Variants in KDM1B observed in about 807,000 individuals in gnomAD.
The protein encoded by KDM1B is lysine-specific histone demethylase 2.
KDM1B carries 63 observed loss-of-function variants against 107.4 expected under a neutral mutation model. The ratio of observed to expected loss-of-function variants is 0.59; its 90% CI spans 0.48 to 0.72. KDM1B has a LOEUF of 0.72. Among genes scored for constraint, KDM1B ranks in the 30% least tolerant of loss-of-function variants. The pLI is 0.00. For missense variants in KDM1B, 749 were observed against 1,020.8 expected, an observed-to-expected ratio of 0.73 and a Z score of 3.63; for synonymous variants, 363 against 363.9, an observed-to-expected ratio of 1.00 and a Z score of 0.03.
rs1025577144 is a variant in KDM1B, at chr6:18,162,359, G to T, written c.216-476G>T. Among the ~76,000 whole-genome samples, 4 of 152,022 alleles carry T rather than the reference G, an allele frequency of 2.6e-5. No individual in the cohort carries two copies. Among genetic ancestry groups the T allele is most frequent in the Non-Finnish European group, 5.9e-5 (4 of 67,980 alleles). ...AAATATTAAAAATAAACACAAAGAC[G>T]TGGTGATCGTGTTCATAGTGGCATG... On this transcript the variant is annotated intron_variant, in intron 4 of 21. Coordinates refer to ENST00000650836, the MANE Select transcript of KDM1B (RefSeq NM_001364614.2). The surrounding 1 kb of genome is among the most constrained non-coding windows in gnomAD (Gnocchi z 4.1).
In KDM1B at chr6:18,201,728, A is replaced by G. The variant is rs1013529446; in HGVS notation, c.1531+71A>G. On this transcript the variant is annotated intron_variant, in intron 14 of 21. Transcript: ENST00000650836. This position sits in a 1 kb window ranked among gnomAD's most constrained non-coding sequence, Gnocchi z 4.3. The stretch of plus-strand genomic sequence containing the variant: ...TTACCTAAGCTTCATCAGCAGTGGC[A>G]TTGTTCATTTGCGAGGTCGGATGTC... 1.2e-5 allele frequency: 16 copies of G among 1,340,626 alleles called. No homozygotes were observed. The highest frequency in any genetic ancestry group is 2.5e-5 in the Admixed American group (1 of 39,590). The allele number at this position is 1,340,626 out of a possible 1,614,324, so 83.0% of individuals were successfully genotyped here.
rs780869858 is a variant in KDM1B at position 18,201,509 on chromosome 6, T to C, written c.1383T>C (p.Phe461=). ...AGCTTGGCATCAGCATGCATAAATT[T>C]GGAGAAAGATGTGACTTAATTCAGG... ...CEQLGISMHK[F]GERCDLIQEG... The change falls in exon 14 of 22, where the codon TTT becomes TTC. Residue 461 remains phenylalanine (F), a synonymous_variant. Transcript: ENST00000650836. The surrounding 1 kb of genome is among the most constrained non-coding windows in gnomAD (Gnocchi z 4.3). 47 of 1,548,912 alleles carry C rather than the reference T, an allele frequency of 3.0e-5. 1 individual carries two copies. In the South Asian group the frequency reaches 5.4e-4, roughly 18 times the overall value.
chr6:18,165,696 G>A (rs1057102971), intron 5 of KDM1B, among the ~76,000 whole-genome samples: 4 of 152,216 alleles, frequency 2.6e-5, no homozygotes, highest in South Asian at 2.1e-4. Context: ...GGTGGCAGGT[G>A]CCTTTAATCC....
chr6:18,177,403 A>T (rs1424551070), intron 7 of KDM1B, among the ~76,000 whole-genome samples: 2 of 151,048 alleles, frequency 1.3e-5, no homozygotes, highest in African/African-American at 2.4e-5. Context: ...CTTTTCAAAG[A>T]ACCAGCTTTT....
In KDM1B at chr6:18,223,335, C is replaced by G. The variant is rs214504; in HGVS notation, c.*1343C>G. 1 of 116,322 alleles carries G rather than the reference C, an allele frequency of 8.6e-6. No individual in the cohort carries two copies. Among genetic ancestry groups the G allele is most frequent in the African/African-American group, 3.3e-5 (1 of 30,042 alleles). The allele number at this position is 116,322 out of a possible 1,614,324, so 7.2% of individuals were successfully genotyped here. A position where few individuals can be genotyped will look rare whatever the true frequency, so the allele number is the denominator to read the frequency against. Reference sequence around the variant, plus strand: ...CAGGCATTTAAGACACCTCCCCCACCGCCCGCCCCCCGCCCCCCCCAATCA... The same window carrying G: ...CAGGCATTTAAGACACCTCCCCCACGGCCCGCCCCCCGCCCCCCCCAATCA... On this transcript the variant is annotated 3_prime_UTR_variant, in exon 22 of 22. Transcript: ENST00000650836.
At position 18,180,646 on chromosome 6, in the gene KDM1B, G is replaced by T. The variant is rs916755658; in HGVS notation, c.535-5126G>T. On this transcript the variant is annotated intron_variant, in intron 7 of 21. Coordinates refer to ENST00000650836, the MANE Select transcript of KDM1B (RefSeq NM_001364614.2). ...GGTGACACCATCTAGGCCTACTCCAGCCTCTGCCTCCCAGGTTCAAGCGAT... is the reference window on the plus strand; with the variant it reads ...GGTGACACCATCTAGGCCTACTCCATCCTCTGCCTCCCAGGTTCAAGCGAT... Among the ~76,000 whole-genome samples, 7 of 152,100 alleles carry T rather than the reference G, an allele frequency of 4.6e-5. No individual in the cohort carries two copies. The East Asian group carries it at 1.4e-3, about 29-fold the overall frequency.
At chr6:18,208,566 A>G (rs1433510887) in intron 17 of KDM1B, among the ~76,000 whole-genome samples, 4 of 133,484 alleles carry the variant, frequency 3.0e-5, no homozygotes, top group African/African-American at 1.1e-4. Context: ...TTAGGATTAA[A>G]TAGGAGTTGT....
chr6:18,164,343 G>A (rs1785155184), intron 5 of KDM1B, among the ~76,000 whole-genome samples: 1 of 152,030 alleles, frequency 6.6e-6, no homozygotes. Context: ...GGTATGGCTG[G>A]CCTTGAATTC....
rs1786989952 is a variant in KDM1B at position 18,187,992 on chromosome 6, C to T, written c.774C>T (p.Leu258=). ...AGCTGGAGCACTCCAAGGCTGCCCT[C>T]TCCGTGCACGGTGAGAGCCATTCCT... is the stretch of plus-strand genomic sequence containing the variant. ...PGKLEHSKAA[L]SVHVPGMNRY... The change falls in exon 9 of 22, where the codon CTC becomes CTT. Residue 258 remains leucine, a synonymous_variant. Transcript: ENST00000650836. The T allele has an allele frequency of 6.4e-7, 1 of 1,550,398 alleles. No individual in the cohort carries two copies. The highest frequency in any genetic ancestry group is 8.7e-7 in the Non-Finnish European group (1 of 1,146,940).
Position 18,213,648 on chromosome 6 carries a change from C to A in KDM1B, c.1984-8C>A, listed in dbSNP as rs1789018842. 6.2e-7 allele frequency: 1 copy of A among 1,614,070 alleles called. No homozygotes were observed. The highest frequency in any genetic ancestry group is 1.1e-5 in the South Asian group (1 of 91,080). ...CACCTAACCACCTTTCTTCTGCTCA[C>A]TTTGCAGATTGCCTTGCAATTTCCG... On this transcript the variant is annotated splice_polypyrimidine_tract_variant and splice_region_variant and intron_variant, in intron 18 of 21. Transcript: ENST00000650836. The surrounding 1 kb of genome is among the most constrained non-coding windows in gnomAD (Gnocchi z 5.9).
intron 7 of KDM1B, among the ~76,000 whole-genome samples, chr6:18,179,246 A>G (rs1221463058): frequency 2.0e-5 from 3 of 152,204 alleles, no homozygotes; most frequent in African/African-American, 7.2e-5. Flanking sequence ...TGGGGGAAAA[A>G]AATCCATTTG....
intron 9 of KDM1B, among the ~76,000 whole-genome samples, chr6:18,189,599 A>T (rs1787138719): frequency 6.6e-6 from 1 of 152,240 alleles, no homozygotes; most frequent in South Asian, 2.1e-4. Context: ...CATTGAATGC[A>T]TATTTAGTGA....
In KDM1B at chr6:18,207,236, T is replaced by C. The variant is rs2066898; in HGVS notation, c.1660-162T>C. 4.9e-3 allele frequency among the ~76,000 whole-genome samples: 741 copies of C among 152,314 alleles called. 3 individuals carry two copies. Among genetic ancestry groups the C allele is most frequent in the Middle Eastern group, 0.017 (5 of 294 alleles). ...AATAAACTTTCCTCAAATAAAATTA[T>C]CGAGATTTCCTCCCCCAGTGGTGGT... On this transcript the variant is annotated intron_variant, in intron 15 of 21. Transcript: ENST00000650836.
At chr6:18,202,139 A>G (rs1788072682) in intron 14 of KDM1B, among the ~76,000 whole-genome samples, 2 of 152,056 alleles carry the variant, frequency 1.3e-5, no homozygotes, top group South Asian at 4.2e-4. Context: ...AGTGGCTCAC[A>G]CCTGTAATCC....
intron 7 of KDM1B, among the ~76,000 whole-genome samples, chr6:18,179,220 A>G (rs1241185116): frequency 6.6e-6 from 1 of 152,218 alleles, no homozygotes; most frequent in Non-Finnish European, 1.5e-5. Context: ...GGAATGTTGA[A>G]TCAATGTTGC....
intron 6 of KDM1B, among the ~76,000 whole-genome samples, chr6:18,166,896 C>T (rs1244597603): frequency 4.6e-5 from 7 of 151,814 alleles, no homozygotes; most frequent in Admixed American, 4.6e-4. Context: ...ACTAAAGGCT[C>T]ACCACCAGCT....
chr6:18,216,503 A>ACGG (rs1317693545), intron 20 of KDM1B, among the ~76,000 whole-genome samples: 1 of 152,186 alleles, frequency 6.6e-6, no homozygotes, highest in Non-Finnish European at 1.5e-5. Context: ...TTCTATAGAA[A>ACGG]TATTGTTTAT....
Position 18,205,548 on chromosome 6 carries a change from G to A in KDM1B, c.1543G>A (p.Glu515Lys). The change falls in exon 15 of 22, where the codon GAA becomes AAA. Residue 515 changes from glutamate to lysine, a missense_variant. Coordinates refer to ENST00000650836, the MANE Select transcript of KDM1B (RefSeq NM_001364614.2). This position sits in a 1 kb window ranked among gnomAD's most constrained non-coding sequence, Gnocchi z 5.7. ...CATTCCCATTACAGAAAAGATAGAAGAAATCTACAAGGCATTTATTAAGGA... is the reference window on the plus strand; with the variant it reads ...CATTCCCATTACAGAAAAGATAGAAAAAATCTACAAGGCATTTATTAAGGA... ...QDVPLGEKIEEIYKAFIKESG... is the reference protein window; with the variant it reads ...QDVPLGEKIEKIYKAFIKESG... 1.3e-6 allele frequency: 2 copies of A among 1,547,284 alleles called. No homozygotes were observed.
In KDM1B at chr6:18,204,982, A is replaced by G. The variant is rs1009109424; in HGVS notation, c.1532-555A>G. On this transcript the variant is annotated intron_variant, in intron 14 of 21. Coordinates refer to ENST00000650836, the MANE Select transcript of KDM1B (RefSeq NM_001364614.2). The surrounding 1 kb of genome is among the most constrained non-coding windows in gnomAD (Gnocchi z 4.9). ...CCTGGCTGTGGTTGGGGAATTTATT[A>G]CATAGGCAACCAGTAATTGTAGATA... Among the ~76,000 whole-genome samples the G allele has an allele frequency of 1.3e-5, 2 of 152,250 alleles. No individual in the cohort carries two copies. Among genetic ancestry groups the G allele is most frequent in the African/African-American group, 4.8e-5 (2 of 41,474 alleles).
Sources: gnomAD v4.1 joint callset for allele counts (sites outside exome capture counted in the v4.1 genomes callset) on GRCh38, gnomAD v4.1.1 for gene constraint, Gnocchi (gnomAD v3.1) non-coding constraint, MANE v1.5 for transcripts, NCBI Gene and HGNC (gene_info 2026-07-23, HGNC 2026-07-21) for gene names.